The following SORBS2 variants were observed in gnomAD, a reference collection of about 807,000 sequenced individuals.
SORBS2 encodes the protein sorbin and SH3 domain-containing protein 2.
In SORBS2, 46 loss-of-function variants were observed where a neutral mutation model predicts 97.7. That is an observed-to-expected ratio of 0.47 (90% confidence interval 0.37 to 0.60). SORBS2 has a LOEUF of 0.60. SORBS2 is among the 20% of genes least tolerant of loss of function. The pLI is 0.00. For synonymous variants in SORBS2, 476 were observed against 473.4 expected (o/e 1.01, Z -0.07); for missense variants, 1,316 against 1,282.3 (o/e 1.03, Z -0.40).
chr4:185,938,567 CTT>C lies in SORBS2; in HGVS notation c.-338+17627_-338+17628del, dbSNP rs548002595. On this transcript the variant is annotated intron_variant, in intron 1 of 20. Coordinates refer to the SORBS2 transcript ENST00000284776. ...TAATCTCACCATTCATCACCCAAGACTTGACCATTTCTGAGATCCCAGTGGAA... is the reference window on the plus strand; with the variant it reads ...TAATCTCACCATTCATCACCCAAGACGACCATTTCTGAGATCCCAGTGGAA... 3.7e-3 allele frequency among the ~76,000 whole-genome samples: 561 copies of C among 152,216 alleles called. 2 individuals are homozygous for C. The highest frequency in any genetic ancestry group is 0.012 in the African/African-American group (487 of 41,532).
chr4:185,669,305 T>C (rs2097671038), intron 4 of SORBS2, among the ~76,000 whole-genome samples: 1 of 152,174 alleles, frequency 6.6e-6, no homozygotes, highest in Non-Finnish European at 1.5e-5. Flanking sequence ...AATGCGGAAG[T>C]CATGTTCCCC....
chr4:185,886,974 T>C (rs970126274), intron 1 of SORBS2, among the ~76,000 whole-genome samples: 1 of 152,102 alleles, frequency 6.6e-6, no homozygotes, highest in African/African-American at 2.4e-5. Flanking sequence ...CGGGCAGCGA[T>C]AGAATGGCCA....
intron 1 of SORBS2, among the ~76,000 whole-genome samples, chr4:185,950,739 T>C (rs2099276829): frequency 6.6e-6 from 1 of 152,208 alleles, no homozygotes; most frequent in Admixed American, 6.5e-5. Context: ...AATGTTGCCC[T>C]TTTTTCCTCT....
At chr4:185,776,943 G>A (rs953463479) in intron 1 of SORBS2, among the ~76,000 whole-genome samples, 18 of 150,034 alleles carry the variant, frequency 1.2e-4, no homozygotes, top group African/African-American at 1.7e-4. Flanking sequence ...TATAATTAAT[G>A]TGAGGGTTGG....
At chr4:185,827,346 C>T (rs1056757822) in intron 1 of SORBS2, among the ~76,000 whole-genome samples, 1 of 30,216 alleles carries the variant, frequency 3.3e-5, no homozygotes, top group African/African-American at 1.4e-4. Flanking sequence ...TCATCATCAT[C>T]ATCATCATCA....
intron 4 of SORBS2, chr4:185,665,774 C>T (rs1335252092): frequency 2.8e-6 from 3 of 1,078,638 alleles, no homozygotes; most frequent in African/African-American, 3.3e-5. Context: ...CCATCTGTCA[C>T]AGCAGACCTC....
rs1358242624 is a variant in SORBS2, at chr4:185,623,068, C to G, written c.2061G>C (p.Leu687=). The change falls in exon 7 of 15, where the codon CTG becomes CTC. Residue 687 remains leucine, a synonymous_variant. Coordinates refer to ENST00000418609, the Ensembl canonical transcript of SORBS2. This position sits in a 1 kb window ranked among gnomAD's most constrained non-coding sequence, Gnocchi z 6.4. ...GAGGCAGTGGGTGGAGAGGCTGGTG[C>G]AGGGGGCTCCTCCTCAGCGCTCTCA... The G allele has an allele frequency of 6.2e-7, 1 of 1,614,108 alleles. No homozygotes were observed. Among genetic ancestry groups the G allele is most frequent in the Non-Finnish European group, 8.5e-7 (1 of 1,180,008 alleles).
intron 1 of SORBS2, among the ~76,000 whole-genome samples, chr4:185,777,785 A>C (rs1452769196): frequency 1.4e-5 from 2 of 141,642 alleles, no homozygotes; most frequent in East Asian, 3.9e-4. Context: ...AGGTCTTTAT[A>C]CAAAAAAAAA....
chr4:185,678,364 G>A, intron 4 of SORBS2, 59 bp downstream of exon 7: 2 of 1,378,818 alleles, frequency 1.5e-6, no homozygotes, highest in Non-Finnish European at 1.9e-6. Flanking sequence ...GAGGCTGTAA[G>A]CAGTGGTCTA....
chr4:185,936,750 G>A (rs1015306609), intron 1 of SORBS2, among the ~76,000 whole-genome samples: 4 of 152,086 alleles, frequency 2.6e-5, no homozygotes, highest in Non-Finnish European at 4.4e-5. Context: ...GATTAGAAAT[G>A]CAATTTACAG....
At chr4:185,740,996 G>GACCAGCACCAACTCAA (rs945868995) in intron 2 of SORBS2, among the ~76,000 whole-genome samples, 7 of 151,772 alleles carry the variant, frequency 4.6e-5, no homozygotes, top group African/African-American at 9.7e-5. Flanking sequence ...CACTAACTCG[G>GACCAGCACCAACTCAA]ACCAGCACCA....
chr4:185,774,518 A>G (rs916379569), intron 2 of SORBS2: 1 of 152,190 alleles, frequency 6.6e-6, no homozygotes, highest in African/African-American at 2.4e-5. Context: ...ACTTCGCAAA[A>G]TGTCAAGTGC....
intron 2 of SORBS2, among the ~76,000 whole-genome samples, chr4:185,714,632 A>C (rs543418140): frequency 4.6e-5 from 7 of 152,092 alleles, no homozygotes. Context: ...ACAGCTCCAC[A>C]TGGCTGGGGA....
Position 185,809,549 on chromosome 4 carries a change from C to T in SORBS2, c.-337-34183G>A, listed in dbSNP as rs1019748472. ...TGCCAGCAGAAGAGTTGGAAAGTGG[C>T]AGAAAATAAGGGTCTAAAAATAGCC... On this transcript the variant is annotated intron_variant, in intron 1 of 20. Coordinates refer to the SORBS2 transcript ENST00000284776. Among the ~76,000 whole-genome samples, 6 of 145,460 alleles carry T rather than the reference C, an allele frequency of 4.1e-5. No individual in the cohort carries two copies. The South Asian group carries it at 8.8e-4, about 21-fold the overall frequency.
intron 1 of SORBS2, among the ~76,000 whole-genome samples, chr4:185,813,898 G>A (rs564580334): frequency 2.4e-4 from 37 of 152,210 alleles, no homozygotes; most frequent in African/African-American, 8.4e-4. Context: ...CTCCCAGACT[G>A]TTCTATCAAC....
At chr4:185,816,597 C>T (rs2099193387) in intron 1 of SORBS2, among the ~76,000 whole-genome samples, 1 of 152,142 alleles carries the variant, frequency 6.6e-6, no homozygotes, top group African/African-American at 2.4e-5. Context: ...ATGATTCCAA[C>T]CCCAAGAAAT....
chr4:185,705,301 T>C (rs961828862), intron 2 of SORBS2, among the ~76,000 whole-genome samples: 1 of 152,214 alleles, frequency 6.6e-6, no homozygotes. Context: ...AGATGGATTA[T>C]GTAAACACTG....
intron 1 of SORBS2, among the ~76,000 whole-genome samples, chr4:185,881,355 T>A (rs1003661904): frequency 6.6e-6 from 1 of 152,192 alleles, no homozygotes; most frequent in Non-Finnish European, 1.5e-5. Flanking sequence ...CCAAACCTTC[T>A]TTTTATAAGA....
At chr4:185,723,879 C>T (rs897855339) in intron 2 of SORBS2, among the ~76,000 whole-genome samples, 1 of 152,134 alleles carries the variant, frequency 6.6e-6, no homozygotes, top group Admixed American at 6.6e-5. Context: ...GCTCCAGCCA[C>T]GTGGCAGCTA....
Sources: gnomAD v4.1 joint callset for allele counts (sites outside exome capture counted in the v4.1 genomes callset) on GRCh38, gnomAD v4.1.1 for gene constraint, Gnocchi (gnomAD v3.1) non-coding constraint, MANE v1.5 for transcripts, NCBI Gene and HGNC (gene_info 2026-07-23, HGNC 2026-07-21) for gene names.